FUT9: variants seen among roughly 807,000 people sequenced by gnomAD.
The protein encoded by FUT9 is fucosyltransferase 9.
A neutral mutation model predicts 29.7 loss-of-function variants in FUT9; 15 were observed. The observed-to-expected ratio is 0.51, with a 90% CI of 0.34 to 0.78. The LOEUF (loss-of-function observed/expected upper bound fraction) is 0.78. Ranked by LOEUF, FUT9 falls within the 30% of genes least tolerant of loss-of-function variation. FUT9 has a pLI of 0.01. For synonymous variants in FUT9, 169 were observed against 153.7 expected (o/e 1.10, Z -0.74); for missense variants, 319 against 425.4 (o/e 0.75, Z 2.20).
intron 1 of FUT9, among the ~76,000 whole-genome samples, chr6:96,085,330 A>G (rs1401824500): frequency 3.3e-5 from 5 of 152,178 alleles, no homozygotes; most frequent in African/African-American, 1.2e-4. Flanking sequence ...TCTATAATCT[A>G]TAAGGGCCCT....
intron 1 of FUT9, among the ~76,000 whole-genome samples, chr6:96,035,345 A>G (rs1770332021): frequency 6.6e-6 from 1 of 151,238 alleles, no homozygotes; most frequent in Non-Finnish European, 1.5e-5. Flanking sequence ...AAAACAAATT[A>G]TTTACTCCCC....
chr6:96,095,268 T>G (rs1771475787), intron 1 of FUT9, among the ~76,000 whole-genome samples: 1 of 152,160 alleles, frequency 6.6e-6, no homozygotes, highest in Non-Finnish European at 1.5e-5. Context: ...AAATCTCATT[T>G]CTTAATACTT....
chr6:96,192,914 C>T (rs1773541117), intron 2 of FUT9, among the ~76,000 whole-genome samples: 1 of 151,880 alleles, frequency 6.6e-6, no homozygotes, highest in Non-Finnish European at 1.5e-5. Context: ...CTACAACTAT[C>T]TAATCTTTGA....
rs149019361 is a variant in FUT9 at position 96,189,094 on chromosome 6, G to A, written c.-8-14054G>A. Among the ~76,000 whole-genome samples, 898 of 152,188 alleles carry A rather than the reference G, an allele frequency of 5.9e-3. 6 individuals carry two copies. Among genetic ancestry groups the A allele is most frequent in the African/African-American group, 0.021 (866 of 41,532 alleles). ...TTTTGATTTAGTGTGTTGGGGGAAG[G>A]TTGGGAGACTGTTCGGGGAAGGTTG... is the stretch of plus-strand genomic sequence containing the variant. On this transcript the variant is annotated intron_variant, in intron 2 of 2. Transcript: ENST00000302103.
chr6:96,157,358 G>C (rs955003852), intron 2 of FUT9, among the ~76,000 whole-genome samples: 15 of 152,160 alleles, frequency 9.9e-5, no homozygotes, highest in Non-Finnish European at 2.2e-4. Context: ...GCGGTAAACT[G>C]TAAAGATTCT....
At chr6:96,162,403 T>A (rs1338912605) in intron 2 of FUT9, among the ~76,000 whole-genome samples, 1 of 152,176 alleles carries the variant, frequency 6.6e-6, no homozygotes, top group African/African-American at 2.4e-5. Flanking sequence ...ACATTCAAAA[T>A]CCTCTCTTCT....
intron 1 of FUT9, among the ~76,000 whole-genome samples, chr6:96,089,453 C>T (rs947622481): frequency 1.3e-5 from 2 of 152,178 alleles, no homozygotes; most frequent in Non-Finnish European, 2.9e-5. Flanking sequence ...CATCTCCTTT[C>T]TCAAAGAACG....
chr6:96,174,612 C>T (rs1262430822), intron 2 of FUT9, among the ~76,000 whole-genome samples: 2 of 152,048 alleles, frequency 1.3e-5, no homozygotes, highest in Non-Finnish European at 2.9e-5. Context: ...ATAAGAGGCT[C>T]ACTATTACCA....
intron 2 of FUT9, among the ~76,000 whole-genome samples, chr6:96,189,266 G>A (rs915631076): frequency 2.6e-5 from 4 of 152,036 alleles, no homozygotes; most frequent in Admixed American, 6.6e-5. Context: ...GGACAAGCAT[G>A]GTGATGGAGG....
intron 1 of FUT9, among the ~76,000 whole-genome samples, chr6:96,055,631 G>A (rs1450294573): frequency 6.6e-6 from 1 of 150,390 alleles, no homozygotes; most frequent in East Asian, 2.0e-4. Context: ...TCTTTATGGT[G>A]TGGTCTGTTT....
At chr6:96,113,895 A>G (rs991870506) in intron 1 of FUT9, 144 bp from the exon 2 acceptor site, 1 of 152,014 alleles carries the variant, frequency 6.6e-6, no homozygotes, top group Admixed American at 6.6e-5. Flanking sequence ...ACAAATAGAT[A>G]TCAACAAAGA....
intron 2 of FUT9, among the ~76,000 whole-genome samples, chr6:96,132,787 T>G (rs1772271375): frequency 6.6e-6 from 1 of 152,068 alleles, no homozygotes; most frequent in African/African-American, 2.4e-5. Context: ...ACAGTTCCTA[T>G]AAGCTTTCCT....
rs115726438 is a variant in FUT9 at position 96,055,630 on chromosome 6, T to G, written c.-98+39418T>G. On this transcript the variant is annotated intron_variant, in intron 1 of 2. Transcript: ENST00000302103. ...TGTTGTACCGGTTGTTTCTTTATGG[T>G]GTGGTCTGTTTTCAGTTACACAGAC... 4.7e-3 allele frequency among the ~76,000 whole-genome samples: 718 copies of G among 151,958 alleles called. 6 individuals carry two copies. The highest frequency in any genetic ancestry group is 0.017 in the African/African-American group (694 of 41,514).
intron 2 of FUT9, among the ~76,000 whole-genome samples, chr6:96,138,436 C>T (rs897154489): frequency 6.0e-5 from 9 of 149,528 alleles, no homozygotes; most frequent in Admixed American, 4.0e-4. Flanking sequence ...AGGATATGTG[C>T]AGGAATATTC....
At chr6:96,083,239 G>A (rs1041059477) in intron 1 of FUT9, among the ~76,000 whole-genome samples, 1 of 152,040 alleles carries the variant, frequency 6.6e-6, no homozygotes, top group Non-Finnish European at 1.5e-5. Context: ...AATGAATGAA[G>A]AGGTGAGTCA....
chr6:96,029,828 G>A (rs1582180091), intron 1 of FUT9, among the ~76,000 whole-genome samples: 1 of 151,424 alleles, frequency 6.6e-6, no homozygotes, highest in Middle Eastern at 3.4e-3. Context: ...ATGAAAGGAT[G>A]GAGAATTATG....
At chr6:96,188,710 G>GATATAT (rs57955007) in intron 2 of FUT9, among the ~76,000 whole-genome samples, 8,223 of 146,278 alleles carry the variant, frequency 0.056, 259 homozygotes, top group Non-Finnish European at 0.066. Flanking sequence ...TATATTATTT[G>GATATAT]ATATATATAT....
chr6:96,169,456 C>T (rs1295266463), intron 2 of FUT9, among the ~76,000 whole-genome samples: 1 of 152,120 alleles, frequency 6.6e-6, no homozygotes, highest in African/African-American at 2.4e-5. Flanking sequence ...AATCATAATT[C>T]TCAGAAAGTA....
At chr6:96,151,147 C>A (rs1273243686) in intron 2 of FUT9, among the ~76,000 whole-genome samples, 1 of 152,024 alleles carries the variant, frequency 6.6e-6, no homozygotes, top group East Asian at 1.9e-4. Context: ...ATTTTGAAGG[C>A]TAAAATACAC....
Sources: allele counts gnomAD v4.1 joint callset (sites outside exome capture counted in the v4.1 genomes callset), GRCh38; gene constraint gnomAD v4.1.1; transcripts MANE v1.5; gene names NCBI Gene and HGNC (gene_info 2026-07-23, HGNC 2026-07-21).